EHBP1: variants seen among roughly 807,000 people sequenced by gnomAD.
The protein encoded by EHBP1 is EH domain binding protein 1.
EHBP1 carries 55 observed loss-of-function variants against 144.0 expected under a neutral mutation model. The observed-to-expected ratio is 0.38, with a 90% CI of 0.31 to 0.48. The LOEUF is 0.48. Among genes scored for constraint, EHBP1 ranks in the 20% least tolerant of loss-of-function variants. EHBP1 has a pLI of 0.98. For synonymous variants in EHBP1, 469 were observed against 472.7 expected (o/e 0.99, Z 0.10); for missense variants, 1,200 against 1,364.2 (o/e 0.88, Z 1.90).
At chr2:62,693,750 T>A (rs532892585) in intron 1 of EHBP1, among the ~76,000 whole-genome samples, 2 of 152,182 alleles carry the variant, frequency 1.3e-5, no homozygotes, top group Non-Finnish European at 2.9e-5. Flanking sequence ...TTGTATCCAT[T>A]AACCAACCTC....
Position 62,835,683 on chromosome 2 carries a change from G to T in EHBP1, c.634+4525G>T, listed in dbSNP as rs555157622. 2.6e-3 allele frequency among the ~76,000 whole-genome samples: 391 copies of T among 152,334 alleles called. 3 individuals are homozygous for T. Among genetic ancestry groups the T allele is most frequent in the Non-Finnish European group, 2.6e-3 (176 of 68,018 alleles). On this transcript the variant is annotated intron_variant, in intron 7 of 22. Transcript: ENST00000431489. ...GGCGAGGCATTGCCTCACCTGGGAA[G>T]CGCAAGGGGTCAGGGAGTTCCCTTT...
chr2:62,912,179 A>G (rs930691623), intron 10 of EHBP1, among the ~76,000 whole-genome samples: 5 of 152,172 alleles, frequency 3.3e-5, no homozygotes, highest in African/African-American at 1.2e-4. Flanking sequence ...GTCATCAGAG[A>G]GTCACATTAA....
At chr2:62,942,668 C>A in intron 10 of EHBP1, 50 bp from the exon 11 acceptor site, 1 of 1,476,364 alleles carries the variant, frequency 6.8e-7, no homozygotes, top group South Asian at 1.4e-5. Flanking sequence ...TGTTAATTTT[C>A]ATCTTCCATT....
At chr2:62,779,776 G>C (rs1310697480) in intron 5 of EHBP1, among the ~76,000 whole-genome samples, 1 of 152,088 alleles carries the variant, frequency 6.6e-6, no homozygotes, top group African/African-American at 2.4e-5. Context: ...ATCTAATCAA[G>C]ATCCAGTGTT....
At chr2:62,767,705 G>A (rs978063112) in intron 4 of EHBP1, among the ~76,000 whole-genome samples, 6 of 151,718 alleles carry the variant, frequency 4.0e-5, no homozygotes, top group African/African-American at 1.5e-4. Flanking sequence ...GTGCAGTGGT[G>A]TGTGCCTGTA....
chr2:62,870,738 C>CATATAT (rs756481712), intron 9 of EHBP1, among the ~76,000 whole-genome samples: 4 of 139,096 alleles, frequency 2.9e-5, no homozygotes, highest in African/African-American at 1.1e-4. Context: ...AAAAAAAATA[C>CATATAT]ATATATATAT....
chr2:62,776,128 A>G (rs556583308), intron 5 of EHBP1, among the ~76,000 whole-genome samples: 2 of 152,298 alleles, frequency 1.3e-5, no homozygotes, highest in East Asian at 3.9e-4. Flanking sequence ...CAGTCACTAG[A>G]ATTCTTAATA....
chr2:62,902,650 A>G (rs749551987), intron 10 of EHBP1, among the ~76,000 whole-genome samples: 1 of 152,224 alleles, frequency 6.6e-6, no homozygotes. Context: ...GGGCTGTAAT[A>G]GTTAAAACTG....
At chr2:62,781,247 A>G (rs888348222) in intron 5 of EHBP1, among the ~76,000 whole-genome samples, 3 of 151,810 alleles carry the variant, frequency 2.0e-5, no homozygotes, top group African/African-American at 7.3e-5. Flanking sequence ...ATAAATTGAA[A>G]CCCTAAAAAG....
rs1574231113 is a variant in EHBP1, at chr2:62,955,539, A to T, written c.2339A>T (p.Glu780Val). Residue 780 changes from glutamate to valine, a missense_variant, in exon 14 of 23, where the codon GAA becomes GTA. By Grantham distance (121) the Glu-to-Val change is moderately radical. This residue lies in a region of EHBP1 where 543 missense variants were observed against 513.1 expected (regional missense o/e 1.06). Coordinates refer to ENST00000431489, the MANE Select transcript of EHBP1 (RefSeq NM_001142616.3). ...AAGCATCGATTGTTATCTAGACAAG[A>T]AGAACTTAAGGAAAGAGCAAGAGTT... ...IVQHRLLSRQEELKERARVLL... is the reference protein window; with the variant it reads ...IVQHRLLSRQVELKERARVLL... The T allele has an allele frequency of 1.2e-6, 2 of 1,611,908 alleles. No homozygotes were observed. Among genetic ancestry groups the T allele is most frequent in the Non-Finnish European group, 1.7e-6 (2 of 1,178,810 alleles).
At chr2:62,729,457 T>A (rs1397060846) in intron 2 of EHBP1, among the ~76,000 whole-genome samples, 1 of 107,406 alleles carries the variant, frequency 9.3e-6, no homozygotes, top group African/African-American at 3.7e-5. Flanking sequence ...AATAAATATA[T>A]AATATATAAA....
In EHBP1 at chr2:63,045,203, T is replaced by TC; in HGVS notation, c.3392+24dup. ...GCAGTGAGTGGGCAGTGGGGTCGGG[T>TC]CGAGGCTGGGCCACCTGCCGAGGGG... is the stretch of plus-strand genomic sequence containing the variant. On this transcript the variant is annotated intron_variant, in intron 22 of 22. Coordinates refer to ENST00000431489, the MANE Select transcript of EHBP1 (RefSeq NM_001142616.3). This position sits in a 1 kb window ranked among gnomAD's most constrained non-coding sequence, Gnocchi z 5.7. The TC allele has an allele frequency of 6.4e-7, 1 of 1,556,526 alleles. No homozygotes were observed. The highest frequency in any genetic ancestry group is 8.7e-7 in the Non-Finnish European group (1 of 1,146,390).
chr2:62,751,916 G>T (rs190304656), intron 3 of EHBP1, among the ~76,000 whole-genome samples: 1 of 151,360 alleles, frequency 6.6e-6, no homozygotes, highest in Non-Finnish European at 1.5e-5. Flanking sequence ...CAATTTTGTT[G>T]ATCTTTTCAA....
intron 2 of EHBP1, among the ~76,000 whole-genome samples, chr2:62,739,990 A>ATATT (rs924309615): frequency 8.6e-5 from 13 of 151,414 alleles, no homozygotes; most frequent in South Asian, 2.1e-4. Flanking sequence ...TGTTAGTAAG[A>ATATT]TATTTATTTA....
At chr2:62,990,651 A>G (rs1392748572) in intron 15 of EHBP1, 65 bp from the exon 16 acceptor site, 45 of 1,532,560 alleles carry the variant, frequency 2.9e-5, no homozygotes, top group Middle Eastern at 1.7e-4. Flanking sequence ...GCTCACATAA[A>G]ATTGACAGCC....
chr2:62,793,959 C>T (rs996993377), intron 5 of EHBP1, among the ~76,000 whole-genome samples: 1 of 152,078 alleles, frequency 6.6e-6, no homozygotes, highest in Non-Finnish European at 1.5e-5. Context: ...TAGTTTTGTA[C>T]ACAAGTCTTA....
intron 15 of EHBP1, among the ~76,000 whole-genome samples, chr2:62,982,421 A>G (rs2059011439): frequency 6.6e-6 from 1 of 152,212 alleles, no homozygotes; most frequent in East Asian, 1.9e-4. Flanking sequence ...CCTGGCCTGT[A>G]GTTTGCTCAC....
chr2:62,694,806 A>G (rs1483333913), intron 1 of EHBP1, among the ~76,000 whole-genome samples: 3 of 152,064 alleles, frequency 2.0e-5, no homozygotes, highest in African/African-American at 7.3e-5. Flanking sequence ...GCTCCAGTGG[A>G]GGTCCCTGGC....
intron 1 of EHBP1, among the ~76,000 whole-genome samples, chr2:62,680,259 T>C (rs60703690): frequency 2.1e-3 from 327 of 152,348 alleles, no homozygotes; most frequent in African/African-American, 7.6e-3. Context: ...CCTCTCATTT[T>C]CAGTGCCCCT....
Sources: allele counts gnomAD v4.1 joint callset (sites outside exome capture counted in the v4.1 genomes callset), GRCh38; gene constraint gnomAD v4.1.1; regional missense constraint gnomAD v4.1.1; non-coding constraint Gnocchi (gnomAD v3.1); transcripts MANE v1.5; gene names NCBI Gene and HGNC (gene_info 2026-07-23, HGNC 2026-07-21).